BFSP2: variants seen among roughly 807,000 people sequenced by gnomAD.
BFSP2 encodes the protein beaded filament structural protein 2, also known as phakinin.
In BFSP2, 38 loss-of-function variants were observed where a neutral mutation model predicts 44.9. That is an observed-to-expected ratio of 0.85 (90% CI 0.65 to 1.11). BFSP2 has a LOEUF of 1.11. Ranked by LOEUF, BFSP2 falls within the 50% of genes least tolerant of loss-of-function variation. The pLI, the probability that BFSP2 is intolerant of heterozygous loss-of-function variation, is 0.00. For missense variants in BFSP2, 525 were observed against 533.0 expected (o/e 0.99, Z 0.15); for synonymous variants, 197 against 209.9 (o/e 0.94, Z 0.53).
chr3:133,447,650 C>G (rs115543275), intron 2 of BFSP2, among the ~76,000 whole-genome samples: 199 of 152,194 alleles, frequency 1.3e-3, no homozygotes, highest in African/African-American at 4.8e-3. Flanking sequence ...TCAGAATCAC[C>G]CAGGGGCCAT....
Position 133,448,957 on chromosome 3 carries a change from G to A in BFSP2, c.729+312G>A. 8.6e-6 allele frequency: 3 copies of A among 350,514 alleles called. No individual in the cohort carries two copies. In the South Asian group the frequency reaches 8.6e-5, roughly 10 times the overall value. The allele number at this position is 350,514 out of a possible 1,614,324, so 21.7% of individuals were successfully genotyped here. On this transcript the variant is annotated intron_variant, in intron 3 of 6. Transcript: ENST00000302334. ...GCAACCCCTCCTCAATGCATTCTAT[G>A]TCAGGTTTTTTTTTCAACACTGTAT...
At chr3:133,412,578 G>A (rs761351913) in intron 1 of BFSP2, 1 of 152,280 alleles carries the variant, frequency 6.6e-6, no homozygotes, top group Non-Finnish European at 1.5e-5. Flanking sequence ...GCCCTTCAGA[G>A]CGGGGCCCCG....
At chr3:133,436,781 G>A (rs2073788224) in intron 1 of BFSP2, among the ~76,000 whole-genome samples, 1 of 152,126 alleles carries the variant, frequency 6.6e-6, no homozygotes, top group Non-Finnish European at 1.5e-5. Flanking sequence ...ACAGGCCCTG[G>A]TGTGTGATGT....
chr3:133,466,704 T>TTA, intron 4 of BFSP2, 124 bp from the exon 5 acceptor site: 1 of 235,052 alleles, frequency 4.3e-6, no homozygotes, highest in Non-Finnish European at 7.8e-6. Context: ...AAAAGATGTT[T>TTA]CCACGTGACA....
chr3:133,462,898 AG>A (rs1329537584), intron 4 of BFSP2, among the ~76,000 whole-genome samples: 1 of 152,230 alleles, frequency 6.6e-6, no homozygotes, highest in Non-Finnish European at 1.5e-5. Context: ...GCAAATCTGT[AG>A]GGGGTCTGAA....
chr3:133,449,703 C>A (rs1281114263), intron 3 of BFSP2, among the ~76,000 whole-genome samples: 1 of 151,860 alleles, frequency 6.6e-6, no homozygotes, highest in Non-Finnish European at 1.5e-5. Flanking sequence ...CATGGTGAAA[C>A]CCTGTCTCCA....
At chr3:133,454,681 A>G (rs2073997249) in intron 4 of BFSP2, among the ~76,000 whole-genome samples, 2 of 152,204 alleles carry the variant, frequency 1.3e-5, no homozygotes, top group South Asian at 4.1e-4. Context: ...CCAGCTTATT[A>G]TAAAGGATAC....
chr3:133,450,366 G>C lies in BFSP2; in HGVS notation c.793G>C (p.Gly265Arg). ...CELEQMDAPIGTGLDDILETI... is the reference protein window; with the variant it reads ...CELEQMDAPIRTGLDDILETI... The stretch of plus-strand genomic sequence containing the variant: ...GCTGGAACAAATGGATGCTCCCATT[G>C]GCACTGGTCTGGACGACATCCTTGA... Residue 265 changes from glycine to arginine, a missense_variant, in exon 4 of 7, where the codon GGC (glycine) becomes CGC (arginine). Transcript: ENST00000302334. 6.2e-7 allele frequency: 1 copy of C among 1,614,156 alleles called. No individual in the cohort carries two copies. The highest frequency in any genetic ancestry group is 8.5e-7 in the Non-Finnish European group (1 of 1,180,030).
chr3:133,445,391 T>C (rs971403668), intron 1 of BFSP2: 1 of 152,166 alleles, frequency 6.6e-6, no homozygotes, highest in African/African-American at 2.4e-5. Context: ...GAGACACAAA[T>C]TGTTGGGACC....
At chr3:133,422,765 C>CTGCCATAATATAGCCCAGGTGT (rs2073604576) in intron 1 of BFSP2, among the ~76,000 whole-genome samples, 1 of 147,132 alleles carries the variant, frequency 6.8e-6, no homozygotes, top group African/African-American at 2.5e-5. Flanking sequence ...AGCCCAGCAC[C>CTGCCATAATATAGCCCAGGTGT]TGCCAGAATA....
intron 1 of BFSP2, among the ~76,000 whole-genome samples, chr3:133,430,850 C>A (rs906951022): frequency 1.3e-5 from 2 of 152,092 alleles, no homozygotes; most frequent in Non-Finnish European, 2.9e-5. Context: ...CCTCAGCCTC[C>A]GCTCCTCCAC....
chr3:133,425,616 A>T (rs907302478), intron 1 of BFSP2, among the ~76,000 whole-genome samples: 1 of 151,974 alleles, frequency 6.6e-6, no homozygotes, highest in African/African-American at 2.4e-5. Context: ...TCAACATATC[A>T]ACCCTCACTT....
intron 3 of BFSP2, 101 bp from the exon 4 acceptor site, chr3:133,450,202 T>C: frequency 7.4e-7 from 1 of 1,345,002 alleles, no homozygotes; most frequent in Non-Finnish European, 1.0e-6. Context: ...AGTTGTGGAA[T>C]GAGAAAAGAA....
In BFSP2 at chr3:133,400,719, A is replaced by G. The variant is rs1319404819; in HGVS notation, c.489+147A>G. The stretch of plus-strand genomic sequence containing the variant: ...ACTTAAAATGGTAATGATAACAACA[A>G]TGCTACCTTTTACCGAGGTTTACTA... On this transcript the variant is annotated intron_variant, in intron 1 of 6. Coordinates refer to ENST00000302334, the MANE Select transcript of BFSP2 (RefSeq NM_003571.4). The surrounding 1 kb of genome is among the most constrained non-coding windows in gnomAD (Gnocchi z 4.0). The G allele has an allele frequency of 7.5e-7, 1 of 1,326,664 alleles. No homozygotes were observed. Among genetic ancestry groups the G allele is most frequent in the East Asian group, 2.5e-5 (1 of 39,434 alleles). 82.2% of individuals were successfully genotyped at this position (1,326,664 alleles called of 1,614,324 possible).
chr3:133,451,847 G>C (rs1221680783), intron 4 of BFSP2, among the ~76,000 whole-genome samples: 1 of 152,142 alleles, frequency 6.6e-6, no homozygotes, highest in Non-Finnish European at 1.5e-5. Flanking sequence ...AGGATGCATA[G>C]GGTTTGTTCT....
intron 1 of BFSP2, among the ~76,000 whole-genome samples, chr3:133,412,905 A>C (rs2073470348): frequency 6.6e-6 from 1 of 152,230 alleles, no homozygotes; most frequent in African/African-American, 2.4e-5. Context: ...ACGCAGCAGA[A>C]TCCTCTGCCG....
chr3:133,435,333 A>G (rs2073770550), intron 1 of BFSP2, among the ~76,000 whole-genome samples: 1 of 152,216 alleles, frequency 6.6e-6, no homozygotes. Context: ...TCAACAAGCA[A>G]AATGCCCTGA....
intron 4 of BFSP2, among the ~76,000 whole-genome samples, chr3:133,466,552 G>A (rs1273976568): frequency 4.6e-5 from 7 of 151,238 alleles, no homozygotes; most frequent in African/African-American, 1.5e-4. Context: ...GCCTGGTGGC[G>A]GGTACCTGTA....
chr3:133,436,866 T>C (rs1310398372), intron 1 of BFSP2, among the ~76,000 whole-genome samples: 1 of 152,246 alleles, frequency 6.6e-6, no homozygotes, highest in Admixed American at 6.5e-5. Flanking sequence ...TTTGGTTTTC[T>C]GTCCTTGCAA....
Sources: allele counts gnomAD v4.1 joint callset (sites outside exome capture counted in the v4.1 genomes callset), GRCh38; gene constraint gnomAD v4.1.1; non-coding constraint Gnocchi (gnomAD v3.1); transcripts MANE v1.5; gene names NCBI Gene and HGNC (gene_info 2026-07-23, HGNC 2026-07-21).